The following PFKFB4 variants were observed in gnomAD, a reference collection of about 807,000 sequenced individuals.
PFKFB4 encodes 6-phosphofructo-2-kinase/fructose-2,6-biphosphatase 4.
In PFKFB4, 42 loss-of-function variants were observed where a neutral mutation model predicts 62.8. That is an observed-to-expected ratio of 0.67 (90% CI 0.52 to 0.86). PFKFB4 has a LOEUF of 0.86. Among genes scored for constraint, PFKFB4 ranks in the 40% least tolerant of loss-of-function variants. PFKFB4 has a pLI of 0.00. For synonymous variants in PFKFB4, 204 were observed against 240.7 expected (o/e 0.85, Z 1.41); for missense variants, 475 against 627.2 (o/e 0.76, Z 2.59).
At chr3:48,529,691 T>G (rs985885209) in intron 9 of PFKFB4, among the ~76,000 whole-genome samples, 1 of 152,212 alleles carries the variant, frequency 6.6e-6, no homozygotes, top group Non-Finnish European at 1.5e-5. Context: ...TGAAAGAGAT[T>G]ATCAATTCTG....
chr3:48,556,839 C>A, upstream of PFKFB4: 2 of 1,513,746 alleles, frequency 1.3e-6, no homozygotes, highest in Non-Finnish European at 1.8e-6. The surrounding 1 kb of genome is among the most constrained non-coding windows in gnomAD (Gnocchi z 5.7). Flanking sequence ...CACCTCGGGC[C>A]ACCCGAGGTC....
At chr3:48,555,441 T>A (rs1441304835) in intron 1 of PFKFB4, among the ~76,000 whole-genome samples, 1 of 152,186 alleles carries the variant, frequency 6.6e-6, no homozygotes, top group Non-Finnish European at 1.5e-5. Context: ...TTGCTTATCA[T>A]ACATAAGCAG....
At position 48,556,577 on chromosome 3, in the gene PFKFB4, C is replaced by A; in HGVS notation, c.97+104G>T. On this transcript the variant is annotated intron_variant, in intron 1 of 13. Coordinates refer to ENST00000232375, the MANE Select transcript of PFKFB4 (RefSeq NM_004567.4). This position sits in a 1 kb window ranked among gnomAD's most constrained non-coding sequence, Gnocchi z 5.7. ...CGGCAACCTCACCTGTCCCCGGTTC[C>A]CCATCTGTCTCCCGCCCCTTCTCCA... 7.5e-7 allele frequency: 1 copy of A among 1,336,310 alleles called. No individual in the cohort carries two copies. The highest frequency in any genetic ancestry group is 1.0e-6 in the Non-Finnish European group (1 of 986,312). The allele number at this position is 1,336,310 out of a possible 1,614,324, so 82.8% of individuals were successfully genotyped here. A position where few individuals can be genotyped will look rare whatever the true frequency, so the allele number is the denominator to read the frequency against.
intron 10 of PFKFB4, among the ~76,000 whole-genome samples, chr3:48,524,445 C>T (rs781378754): frequency 6.6e-6 from 1 of 152,216 alleles, no homozygotes; most frequent in Admixed American, 6.5e-5. Flanking sequence ...CAGAACTGAA[C>T]GTGCCCCAAG....
chr3:48,557,762 C>T (rs1414006104), upstream of PFKFB4, among the ~76,000 whole-genome samples: 1 of 152,136 alleles, frequency 6.6e-6, no homozygotes, highest in South Asian at 2.1e-4. Flanking sequence ...GTCTCGAACT[C>T]CTGACCTCAG....
intron 1 of PFKFB4, among the ~76,000 whole-genome samples, chr3:48,552,923 C>G (rs1004071159): frequency 6.6e-6 from 1 of 152,222 alleles, no homozygotes; most frequent in Admixed American, 6.5e-5. Context: ...TACCTATCTC[C>G]TCTGCTCCCC....
At chr3:48,523,012 C>G (rs1434836914) in intron 12 of PFKFB4, among the ~76,000 whole-genome samples, 1 of 151,842 alleles carries the variant, frequency 6.6e-6, no homozygotes, top group Non-Finnish European at 1.5e-5. Flanking sequence ...CCACCCACCT[C>G]GGCCTCCCAA....
intron 9 of PFKFB4, among the ~76,000 whole-genome samples, chr3:48,534,907 C>G (rs2042543607): frequency 6.6e-6 from 1 of 151,824 alleles, no homozygotes. Context: ...CTCCTGGGTT[C>G]AAGCAATTCT....
chr3:48,561,017 A>G, upstream of PFKFB4: 1 of 1,210,970 alleles, frequency 8.3e-7, no homozygotes, highest in Non-Finnish European at 1.1e-6. The surrounding 1 kb of genome is among the most constrained non-coding windows in gnomAD (Gnocchi z 5.2). Context: ...GTCTTTCCCT[A>G]ACCCTCCACC....
At chr3:48,545,635 TG>T (rs1314436154) in intron 3 of PFKFB4, among the ~76,000 whole-genome samples, 2 of 151,706 alleles carry the variant, frequency 1.3e-5, no homozygotes, top group Non-Finnish European at 2.9e-5. Context: ...TTCTTTCTTT[TG>T]TTTTTTTTTT....
chr3:48,523,509 A>G (rs781765642), intron 12 of PFKFB4, 28 bp downstream of exon 12: 3 of 1,604,710 alleles, frequency 1.9e-6, no homozygotes, highest in South Asian at 2.2e-5. Flanking sequence ...ATGGCTACCC[A>G]TGGTCAATGT....
At chr3:48,557,468 G>A (rs1286931360), upstream of PFKFB4, among the ~76,000 whole-genome samples, 1 of 152,226 alleles carries the variant, frequency 6.6e-6, no homozygotes, top group Non-Finnish European at 1.5e-5. Flanking sequence ...TTTACCTCAT[G>A]GATAGAGACT....
chr3:48,539,320 G>A lies in PFKFB4; in HGVS notation c.454-10C>T. The A allele has an allele frequency of 6.2e-7, 1 of 1,610,842 alleles. No individual in the cohort carries two copies. Among genetic ancestry groups the A allele is most frequent in the East Asian group, 2.2e-5 (1 of 44,768 alleles). Reference sequence around the variant, plus strand: ...ACTCGACAAAAAAGGTCTGCGGCAGGACCAGAAGCGCCGGGGTGGTGGGAG... The same window carrying A: ...ACTCGACAAAAAAGGTCTGCGGCAGAACCAGAAGCGCCGGGGTGGTGGGAG... On this transcript the variant is annotated splice_polypyrimidine_tract_variant and intron_variant, in intron 5 of 13. Transcript: ENST00000232375.
At chr3:48,562,848 T>G (rs1439129285), upstream of PFKFB4, 4 of 1,586,692 alleles carry the variant, frequency 2.5e-6, 1 homozygote, top group Admixed American at 5.4e-5. The surrounding 1 kb of genome is among the most constrained non-coding windows in gnomAD (Gnocchi z 4.3). Context: ...CTGGCAGCCC[T>G]GGCCCGGGCT....
intron 12 of PFKFB4, among the ~76,000 whole-genome samples, chr3:48,523,257 G>C (rs145793401): frequency 6.6e-6 from 1 of 152,022 alleles, no homozygotes; most frequent in African/African-American, 2.4e-5. Context: ...GGTGGCAGGC[G>C]CCTGTAATCC....
At chr3:48,536,190 C>T in intron 8 of PFKFB4, 66 bp downstream of exon 8, 1 of 1,400,814 alleles carries the variant, frequency 7.1e-7, no homozygotes, top group Non-Finnish European at 1.0e-6. Context: ...CTCACACATG[C>T]ATATACCCAG....
chr3:48,527,553 G>T (rs1431038204), intron 9 of PFKFB4, among the ~76,000 whole-genome samples: 1 of 152,144 alleles, frequency 6.6e-6, no homozygotes, highest in African/African-American at 2.4e-5. Context: ...GAGGCTGGAA[G>T]AATTTTGTGG....
chr3:48,538,256 G>A (rs750626212), intron 7 of PFKFB4, among the ~76,000 whole-genome samples: 8 of 152,202 alleles, frequency 5.3e-5, no homozygotes, highest in Middle Eastern at 3.4e-3. Flanking sequence ...ATAGAAATTC[G>A]GCTTGATTTC....
At chr3:48,534,265 A>G (rs1433074215) in intron 9 of PFKFB4, among the ~76,000 whole-genome samples, 1 of 152,360 alleles carries the variant, frequency 6.6e-6, no homozygotes, top group East Asian at 1.9e-4. Flanking sequence ...ACAGTCTAAC[A>G]CACACAGAGT....
Sources: gnomAD v4.1 joint callset for allele counts (sites outside exome capture counted in the v4.1 genomes callset) on GRCh38, gnomAD v4.1.1 for gene constraint, Gnocchi (gnomAD v3.1) non-coding constraint, MANE v1.5 for transcripts, NCBI Gene and HGNC (gene_info 2026-07-23, HGNC 2026-07-21) for gene names.